The following LRRC36 variants were observed in gnomAD, a reference collection of about 807,000 sequenced individuals.
The protein encoded by LRRC36 is leucine-rich repeat-containing protein 36.
In LRRC36, 62 loss-of-function variants were observed where a neutral mutation model predicts 81.1. The observed-to-expected ratio is 0.76, with a 90% CI of 0.62 to 0.94. The LOEUF is 0.94. LRRC36 is among the 40% of genes least tolerant of loss of function. The pLI, the probability that LRRC36 is intolerant of heterozygous loss-of-function variation, is 0.00. For missense variants in LRRC36, 761 were observed against 881.7 expected (o/e 0.86, Z 1.73); for synonymous variants, 334 against 348.6 (o/e 0.96, Z 0.47).
At chr16:67,369,514 A>G (rs996563287) in intron 8 of LRRC36, among the ~76,000 whole-genome samples, 4 of 152,234 alleles carry the variant, frequency 2.6e-5, no homozygotes, top group African/African-American at 9.6e-5. Flanking sequence ...AGGTGAATTC[A>G]AGAAAAAAAT....
intron 8 of LRRC36, among the ~76,000 whole-genome samples, chr16:67,370,175 G>T (rs1304750159): frequency 6.6e-6 from 1 of 152,186 alleles, no homozygotes; most frequent in Non-Finnish European, 1.5e-5. Flanking sequence ...ACAGATACAG[G>T]AGAGTTGGTA....
chr16:67,357,989 C>A (rs754668258), intron 5 of LRRC36, among the ~76,000 whole-genome samples: 1 of 152,122 alleles, frequency 6.6e-6, no homozygotes, highest in Non-Finnish European at 1.5e-5. Flanking sequence ...GGCTGGACAA[C>A]AGGTCATAAT....
At chr16:67,374,229 ATATT>A (rs1483381072) in intron 9 of LRRC36, among the ~76,000 whole-genome samples, 2 of 150,898 alleles carry the variant, frequency 1.3e-5, no homozygotes, top group African/African-American at 4.9e-5. Context: ...TGTTTATTAT[ATATT>A]AATATATTAA....
intron 6 of LRRC36, among the ~76,000 whole-genome samples, chr16:67,364,809 CA>C (rs1278136787): frequency 6.6e-6 from 1 of 152,146 alleles, no homozygotes; most frequent in African/African-American, 2.4e-5. Context: ...TCTTTCTCTC[CA>C]TGACTACCAA....
chr16:67,381,288 G>A (rs1451682237), intron 12 of LRRC36, among the ~76,000 whole-genome samples: 2 of 149,300 alleles, frequency 1.3e-5, no homozygotes, highest in East Asian at 2.0e-4. Flanking sequence ...CATTACAACC[G>A]GAGTTCCTCT....
chr16:67,375,508 A>T, intron 10 of LRRC36, 96 bp downstream of exon 10: 6 of 1,063,098 alleles, frequency 5.6e-6, no homozygotes, highest in Non-Finnish European at 7.8e-6. Flanking sequence ...ACTTGCAAGG[A>T]AAGTTGTTCT....
At chr16:67,333,879 T>G (rs916049424) in intron 1 of LRRC36, among the ~76,000 whole-genome samples, 1 of 152,126 alleles carries the variant, frequency 6.6e-6, no homozygotes, top group African/African-American at 2.4e-5. Context: ...AATTTTAATA[T>G]CTTGCATTAT....
intron 5 of LRRC36, among the ~76,000 whole-genome samples, chr16:67,361,792 C>G (rs532124587): frequency 6.6e-6 from 1 of 152,228 alleles, no homozygotes; most frequent in East Asian, 1.9e-4. Flanking sequence ...GTCTCGAACT[C>G]CTGACCTCAG....
chr16:67,367,332 A>T lies in LRRC36; in HGVS notation c.1070A>T (p.Tyr357Phe). 1 of 1,614,142 alleles carries T rather than the reference A, an allele frequency of 6.2e-7. No homozygotes were observed. Among genetic ancestry groups the T allele is most frequent in the Non-Finnish European group, 8.5e-7 (1 of 1,180,008 alleles). ...AAAAGGCCTCAGAGAAGCAAGAACT[A>T]TCAAGAGTATAGCATAAAGCCTTCA... is the stretch of plus-strand genomic sequence containing the variant. Reference protein sequence around the residue: ...LGKRPQRSKNYQEYSIKPSND... With the variant: ...LGKRPQRSKNFQEYSIKPSND... The change falls in exon 8 of 14, where the codon TAT becomes TTT. Residue 357 changes from tyrosine (Y) to phenylalanine (F), a missense_variant. This residue lies in a region of LRRC36 where 139 missense variants were observed against 214.0 expected (regional missense o/e 0.65). Transcript: ENST00000329956.
At chr16:67,359,175 T>C (rs969414509) in intron 5 of LRRC36, among the ~76,000 whole-genome samples, 8 of 152,134 alleles carry the variant, frequency 5.3e-5, no homozygotes, top group Non-Finnish European at 2.9e-5. Flanking sequence ...CCTAGGTATA[T>C]ATACCTAAGA....
intron 5 of LRRC36, among the ~76,000 whole-genome samples, chr16:67,355,363 C>CTTTTT (rs1156742689): frequency 6.0e-4 from 47 of 77,706 alleles, no homozygotes; most frequent in South Asian, 1.5e-3. Context: ...TTTAAGATGT[C>CTTTTT]TTTTTTTTTT....
chr16:67,368,765 C>G (rs2142117119), intron 8 of LRRC36, among the ~76,000 whole-genome samples: 1 of 152,198 alleles, frequency 6.6e-6, no homozygotes, highest in Admixed American at 6.5e-5. Flanking sequence ...ATCAGCGTAA[C>G]AGATGATGAT....
chr16:67,340,405 C>T (rs1442499152), intron 1 of LRRC36, among the ~76,000 whole-genome samples: 1 of 151,992 alleles, frequency 6.6e-6, no homozygotes, highest in African/African-American at 2.4e-5. Context: ...TGCCTGTAAT[C>T]CCAGCACTTT....
At chr16:67,363,784 CAATT>C in intron 6 of LRRC36, 70 bp downstream of exon 6, 1 of 1,532,592 alleles carries the variant, frequency 6.5e-7, no homozygotes, top group Non-Finnish European at 8.9e-7. Flanking sequence ...AGTGGGCTCT[CAATT>C]ATTTATGAAG....
rs774835889 is a variant in LRRC36 at position 67,382,137 on chromosome 16, T to A, written c.1935T>A (p.Asp645Glu). The A allele has an allele frequency of 3.1e-6, 5 of 1,610,500 alleles. No individual in the cohort carries two copies. Among genetic ancestry groups the A allele is most frequent in the Non-Finnish European group, 4.2e-6 (5 of 1,176,780 alleles). Reference protein sequence around the residue: ...VSGQQSHTYDDLLHKNQQLTM... With the variant: ...VSGQQSHTYDELLHKNQQLTM... The stretch of plus-strand genomic sequence containing the variant: ...TGGCTACTGTGCCCTTTGTAGATGA[T>A]CTTCTGCACAAAAACCAACAGCTGA... Residue 645 changes from aspartate to glutamate, a missense_variant, in exon 13 of 14, where the codon GAT (aspartate) becomes GAA (glutamate). Asp to Glu is a conservative substitution (Grantham distance 45). This residue lies in a region of LRRC36 where 359 missense variants were observed against 388.4 expected (regional missense o/e 0.92). Coordinates refer to ENST00000329956, the MANE Select transcript of LRRC36 (RefSeq NM_018296.6).
chr16:67,379,957 T>G (rs1479152837), intron 12 of LRRC36, among the ~76,000 whole-genome samples: 1 of 152,164 alleles, frequency 6.6e-6, no homozygotes, highest in African/African-American at 2.4e-5. Flanking sequence ...ATTTATCTAT[T>G]TTGTCCTCTA....
chr16:67,377,729 G>A (rs758063356), intron 11 of LRRC36, among the ~76,000 whole-genome samples: 10 of 151,272 alleles, frequency 6.6e-5, no homozygotes, highest in African/African-American at 1.9e-4. Flanking sequence ...CCGCCTCCCG[G>A]GTTCAAGCGA....
chr16:67,335,735 T>A (rs2037727726), intron 1 of LRRC36, among the ~76,000 whole-genome samples: 1 of 140,734 alleles, frequency 7.1e-6, no homozygotes, highest in African/African-American at 2.6e-5. Context: ...ACCACTGATC[T>A]TTTTTTTTTT....
chr16:67,384,372 T>G (rs932579518), intron 13 of LRRC36, among the ~76,000 whole-genome samples: 8 of 152,098 alleles, frequency 5.3e-5, no homozygotes, highest in Non-Finnish European at 8.8e-5. Flanking sequence ...AGGCAGAGGT[T>G]GCAGTGAGCC....
Sources: allele counts gnomAD v4.1 joint callset (sites outside exome capture counted in the v4.1 genomes callset), GRCh38; gene constraint gnomAD v4.1.1; regional missense constraint gnomAD v4.1.1; transcripts MANE v1.5; gene names NCBI Gene and HGNC (gene_info 2026-07-23, HGNC 2026-07-21).